Variants in KIAA1549 observed in about 807,000 individuals in gnomAD.
The protein encoded by KIAA1549 is KIAA1549.
A neutral mutation model predicts 156.4 loss-of-function variants in KIAA1549; 70 were observed. That is an observed-to-expected ratio of 0.45 (90% CI 0.37 to 0.55). The LOEUF is 0.55. Ranked by LOEUF, KIAA1549 falls within the 20% of genes least tolerant of loss-of-function variation. The probability of loss-of-function intolerance (pLI) is 0.00; values close to 1 mark genes in which losing one functional copy is unlikely to be tolerated. For synonymous variants in KIAA1549, 1,103 were observed against 1,066.4 expected (o/e 1.03, Z -0.67); for missense variants, 2,428 against 2,540.9 (o/e 0.96, Z 0.96).
At chr7:138,844,992 G>A (rs1278457192) in intron 17 of KIAA1549, among the ~76,000 whole-genome samples, 1 of 151,960 alleles carries the variant, frequency 6.6e-6, no homozygotes, top group African/African-American at 2.4e-5. Context: ...CGATCCTGCT[G>A]TCCATCAAGG....
chr7:138,879,501 A>T (rs897812581), intron 12 of KIAA1549, 37 bp downstream of exon 12: 6 of 1,286,942 alleles, frequency 4.7e-6, no homozygotes, highest in Non-Finnish European at 6.6e-6. Flanking sequence ...TCTCATAGGG[A>T]CTACTTTTAA....
In KIAA1549 at chr7:138,881,425, A is replaced by T. The variant is rs368895293; in HGVS notation, c.4192T>A (p.Ser1398Thr). The T allele has an allele frequency of 8.1e-6, 13 of 1,613,946 alleles. No homozygotes were observed. The African/African-American group carries it at 1.5e-4, about 18-fold the overall frequency. The change falls in exon 11 of 20, where the codon TCA (serine) becomes ACA (threonine). Residue 1398 changes from serine to threonine, a missense_variant. By Grantham distance (58) the Ser-to-Thr change is moderately conservative. This residue lies in a region of KIAA1549 where 404 missense variants were observed against 417.0 expected (regional missense o/e 0.97). Coordinates refer to ENST00000422774, the MANE Select transcript of KIAA1549 (RefSeq NM_001164665.2). The part of the protein sequence containing the change: ...SENGDVPSPK[S>T]KIPSKNVRHR... ...CGAACATTCTTGGAAGGGATCTTTG[A>T]CTTGGGGCTTGGCACGTCTCCATTT...
intron 1 of KIAA1549, among the ~76,000 whole-genome samples, chr7:138,929,464 T>C (rs910898789): frequency 3.3e-5 from 5 of 152,178 alleles, no homozygotes; most frequent in African/African-American, 9.7e-5. Flanking sequence ...TCCACTGAAG[T>C]CTTGAATGCC....
chr7:138,941,069 A>AT (rs1039464744), intron 1 of KIAA1549, among the ~76,000 whole-genome samples: 1 of 151,988 alleles, frequency 6.6e-6, no homozygotes, highest in African/African-American at 2.4e-5. Flanking sequence ...CTTTTAAAAA[A>AT]TTTTATTAAA....
intron 1 of KIAA1549, among the ~76,000 whole-genome samples, chr7:138,953,772 T>C: frequency 6.6e-6 from 1 of 152,208 alleles, no homozygotes; most frequent in East Asian, 1.9e-4. Context: ...TTCCATACAA[T>C]ACAAATACAT....
rs139795935 is a variant in KIAA1549, at chr7:138,861,021, G to A, written c.5247+118C>T. ...AGATAAAAACTAAGACCCATCACCC[G>A]AGTTTTAATTCTTATCAAATGCAAC... On this transcript the variant is annotated intron_variant, in intron 16 of 19. Coordinates refer to ENST00000422774, the MANE Select transcript of KIAA1549 (RefSeq NM_001164665.2). 6.5e-4 allele frequency: 611 copies of A among 940,102 alleles called. 3 individuals carry two copies. The African/African-American group carries it at 8.9e-3, about 14-fold the overall frequency. The allele number at this position is 940,102 out of a possible 1,614,324, so 58.2% of individuals were successfully genotyped here. A position where few individuals can be genotyped will look rare whatever the true frequency, so the allele number is the denominator to read the frequency against.
At chr7:138,926,037 G>A in intron 1 of KIAA1549, among the ~76,000 whole-genome samples, 1 of 152,106 alleles carries the variant, frequency 6.6e-6, no homozygotes, top group Non-Finnish European at 1.5e-5. Context: ...TGGCCTGGGA[G>A]GCCCAAGGGA....
chr7:138,862,958 G>T (rs570481413), intron 15 of KIAA1549, among the ~76,000 whole-genome samples: 1 of 152,182 alleles, frequency 6.6e-6, no homozygotes, highest in African/African-American at 2.4e-5. Flanking sequence ...AAACGCAAAG[G>T]TTCAAATTGT....
Position 138,835,137 on chromosome 7 carries a change from G to A in KIAA1549, c.*2769C>T. 1 of 222,664 alleles carries A rather than the reference G, an allele frequency of 4.5e-6. No individual in the cohort carries two copies. Among genetic ancestry groups the A allele is most frequent in the Admixed American group, 5.7e-5 (1 of 17,414 alleles). 13.8% of individuals were successfully genotyped at this position (222,664 alleles called of 1,614,324 possible). On this transcript the variant is annotated 3_prime_UTR_variant, in exon 20 of 20. Transcript: ENST00000422774. ...CAAAGCCACACGCTGTCAACGCAAGGACCCTTCCTTTCAGTGGATGACGTG... is the reference window on the plus strand; with the variant it reads ...CAAAGCCACACGCTGTCAACGCAAGAACCCTTCCTTTCAGTGGATGACGTG...
In KIAA1549 at chr7:138,912,388, C is replaced by A; in HGVS notation, c.2951G>T (p.Arg984Leu). The change falls in exon 3 of 20, where the codon CGT becomes CTT. Residue 984 changes from arginine (R) to leucine (L), a missense_variant. This residue lies in a region of KIAA1549 where 762 missense variants were observed against 901.6 expected (regional missense o/e 0.85). Transcript: ENST00000422774. ...IKEVLRIHFNRAVELKVYELF... is the reference protein window; with the variant it reads ...IKEVLRIHFNLAVELKVYELF... ...AGGACTCACCTTCAGTTCCACTGCA[C>A]GGTTGAAGTGAATCCTCAGTACTTC... 6.2e-7 allele frequency: 1 copy of A among 1,613,362 alleles called. No individual in the cohort carries two copies. The highest frequency in any genetic ancestry group is 8.5e-7 in the Non-Finnish European group (1 of 1,179,390).
chr7:138,939,180 T>C (rs1453791929), intron 1 of KIAA1549, among the ~76,000 whole-genome samples: 1 of 152,342 alleles, frequency 6.6e-6, no homozygotes, highest in African/African-American at 2.4e-5. Flanking sequence ...TCAGCATCTC[T>C]GATAAGGACT....
chr7:138,905,170 T>C, intron 6 of KIAA1549, 89 bp from the exon 7 acceptor site: 1 of 861,516 alleles, frequency 1.2e-6, no homozygotes, highest in Non-Finnish European at 1.9e-6. Context: ...TCGTCTTTAC[T>C]ATTTAGCTCT....
At chr7:138,975,800 T>TA (rs1454899113) in intron 1 of KIAA1549, among the ~76,000 whole-genome samples, 1 of 152,224 alleles carries the variant, frequency 6.6e-6, no homozygotes, top group East Asian at 1.9e-4. Context: ...CAACCTAGTG[T>TA]AATTATAATG....
At chr7:138,876,160 T>C (rs796126666) in intron 12 of KIAA1549, among the ~76,000 whole-genome samples, 6 of 152,318 alleles carry the variant, frequency 3.9e-5, no homozygotes, top group African/African-American at 1.4e-4. Context: ...ACTCAATGAC[T>C]ACAGTCATCT....
At chr7:138,850,572 G>A (rs955736485) in intron 17 of KIAA1549, among the ~76,000 whole-genome samples, 1 of 152,046 alleles carries the variant, frequency 6.6e-6, no homozygotes, top group Non-Finnish European at 1.5e-5. Flanking sequence ...CCTTATAGAT[G>A]CTGGATATTA....
chr7:138,845,112 T>C (rs979983691), intron 17 of KIAA1549, among the ~76,000 whole-genome samples: 3 of 152,172 alleles, frequency 2.0e-5, no homozygotes, highest in Non-Finnish European at 2.9e-5. Context: ...TTTCTGTGGA[T>C]TGTATCGCTA....
intron 1 of KIAA1549, among the ~76,000 whole-genome samples, chr7:138,976,594 C>T (rs1164081954): frequency 1.3e-5 from 2 of 152,148 alleles, no homozygotes; most frequent in Admixed American, 6.5e-5. Flanking sequence ...TACTGTGCCT[C>T]ATTTTTTAAT....
Position 138,954,431 on chromosome 7 carries a change from G to C in KIAA1549, c.187+26652C>G, listed in dbSNP as rs555976681. On this transcript the variant is annotated intron_variant, in intron 1 of 19. Coordinates refer to ENST00000422774, the MANE Select transcript of KIAA1549 (RefSeq NM_001164665.2). Reference sequence around the variant, plus strand: ...ACTGGGGTTAGACTACAGAAGACCTGAACTGCCAAACTAAGCAGTGTGGAT... The same window carrying C: ...ACTGGGGTTAGACTACAGAAGACCTCAACTGCCAAACTAAGCAGTGTGGAT... Among the ~76,000 whole-genome samples, 8 of 152,286 alleles carry C rather than the reference G, an allele frequency of 5.3e-5. No individual in the cohort carries two copies. The South Asian group carries it at 1.7e-3, about 32-fold the overall frequency.
intron 1 of KIAA1549, among the ~76,000 whole-genome samples, chr7:138,924,271 T>G (rs1265435359): frequency 6.6e-6 from 1 of 151,890 alleles, no homozygotes; most frequent in Non-Finnish European, 1.5e-5. Context: ...AAATCACGGT[T>G]CTGTCAAATT....
Sources: gnomAD v4.1 joint callset for allele counts (sites outside exome capture counted in the v4.1 genomes callset) on GRCh38, gnomAD v4.1.1 for gene constraint, gnomAD v4.1.1 regional missense constraint, MANE v1.5 for transcripts, NCBI Gene and HGNC (gene_info 2026-07-23, HGNC 2026-07-21) for gene names.